BAHD1: variants seen among roughly 807,000 people sequenced by gnomAD.
BAHD1 encodes bromo adjacent homology domain containing 1.
In BAHD1, 20 loss-of-function variants were observed where a neutral mutation model predicts 63.1. The observed-to-expected ratio is 0.32, with a 90% CI of 0.22 to 0.46. The LOEUF is 0.46. BAHD1 is among the 20% of genes least tolerant of loss of function. The pLI, the probability that BAHD1 is intolerant of heterozygous loss-of-function variation, is 1.00. For missense variants in BAHD1, 939 were observed against 1,071.8 expected (o/e 0.88, Z 1.73); for synonymous variants, 408 against 426.8 (o/e 0.96, Z 0.54).
At chr15:40,461,365 C>T (rs1401225405) in intron 2 of BAHD1, among the ~76,000 whole-genome samples, 4 of 152,094 alleles carry the variant, frequency 2.6e-5, no homozygotes, top group African/African-American at 9.7e-5. Context: ...GGGCCAGGCG[C>T]GGTGGCTCAT....
rs1233031761 is a variant in BAHD1, at chr15:40,459,726, C to T, written c.1262C>T (p.Ser421Leu). The change falls in exon 2 of 7, where the codon TCA becomes TTA. Residue 421 changes from serine (S) to leucine (L), a missense_variant. Coordinates refer to ENST00000416165, the MANE Select transcript of BAHD1 (RefSeq NM_014952.5). ...GAGGGGCTCCTCTTAGCTCCGAGCT[C>T]AGTGCCCTCAGGCACCCCTTTCCAG... ...HEEGLLLAPS[S>L]VPSGTPFQHP... The T allele has an allele frequency of 5.0e-6, 8 of 1,614,026 alleles. No homozygotes were observed. The South Asian group carries it at 8.8e-5, about 18-fold the overall frequency.
chr15:40,451,414 C>A (rs1385689360), intron 1 of BAHD1, among the ~76,000 whole-genome samples: 1 of 152,240 alleles, frequency 6.6e-6, no homozygotes, highest in Non-Finnish European at 1.5e-5. Flanking sequence ...GTTCTGTCTT[C>A]CTGCTAGCCC....
chr15:40,439,494 C>A (rs1893345002), upstream of BAHD1, among the ~76,000 whole-genome samples: 2 of 152,194 alleles, frequency 1.3e-5, no homozygotes, highest in Non-Finnish European at 2.9e-5. Context: ...CTCCGAAGCC[C>A]CTGGGCCACA....
chr15:40,463,802 C>A (rs1894120960), intron 3 of BAHD1, 59 bp from the exon 4 acceptor site: 1 of 1,584,984 alleles, frequency 6.3e-7, no homozygotes, highest in Non-Finnish European at 8.6e-7. Flanking sequence ...TTCCCTCTCT[C>A]TGTCCTTACT....
chr15:40,458,593 G>A lies in BAHD1; in HGVS notation c.129G>A (p.Glu43=), dbSNP rs1247230123. 14 of 1,613,940 alleles carry A rather than the reference G, an allele frequency of 8.7e-6. No homozygotes were observed. The highest frequency in any genetic ancestry group is 4.0e-5 in the African/African-American group (3 of 74,918). Reference sequence around the variant, plus strand: ...AGGGTGTGGAGCCAGGCATGCCCGAGAGCCCAGGTCACCTCACAGGGCGCC... The same window carrying A: ...AGGGTGTGGAGCCAGGCATGCCCGAAAGCCCAGGTCACCTCACAGGGCGCC... ...GVEGVEPGMP[E]SPGHLTGRRK... Residue 43 remains glutamate (E), a synonymous_variant, in exon 2 of 7, where the codon GAG becomes GAA. Coordinates refer to ENST00000416165, the MANE Select transcript of BAHD1 (RefSeq NM_014952.5). This position sits in a 1 kb window ranked among gnomAD's most constrained non-coding sequence, Gnocchi z 4.7.
chr15:40,465,738 G>C (rs1894180810), intron 6 of BAHD1, among the ~76,000 whole-genome samples: 1 of 152,188 alleles, frequency 6.6e-6, no homozygotes, highest in South Asian at 2.1e-4. Flanking sequence ...AGAGGCCCTG[G>C]CAAGTGTGGT....
Position 40,458,469 on chromosome 15 carries a change from C to G in BAHD1, c.5C>G (p.Thr2Arg). Reference sequence around the variant, plus strand: ...CCTGCAGGTTGGAAGTACTCCATGACACACACTCGGAGAAAGTCCCTTCCC... The same window carrying G: ...CCTGCAGGTTGGAAGTACTCCATGAGACACACTCGGAGAAAGTCCCTTCCC... M[T>R]HTRRKSLPML... The change falls in exon 2 of 7, where the codon ACA becomes AGA. Residue 2 changes from threonine (T) to arginine (R), a missense_variant. Thr to Arg is a moderately conservative substitution (Grantham distance 71, BLOSUM62 -1). Around this residue, in one of 5 missense-constraint regions of BAHD1, gnomAD observed 797 missense variants for 813.3 expected, o/e 0.98. Transcript: ENST00000416165. The surrounding 1 kb of genome is among the most constrained non-coding windows in gnomAD (Gnocchi z 4.7). 6.3e-7 allele frequency: 1 copy of G among 1,579,820 alleles called. No individual in the cohort carries two copies. Among genetic ancestry groups the G allele is most frequent in the African/African-American group, 1.3e-5 (1 of 74,202 alleles).
intron 1 of BAHD1, among the ~76,000 whole-genome samples, chr15:40,447,713 T>C (rs981867545): frequency 6.6e-6 from 1 of 152,116 alleles, no homozygotes; most frequent in African/African-American, 2.4e-5. Flanking sequence ...GCAGTTAATA[T>C]GTCTTTGCAT....
At position 40,458,779 on chromosome 15, in the gene BAHD1, C is replaced by G; in HGVS notation, c.315C>G (p.Ser105=). 1 of 1,613,220 alleles carries G rather than the reference C, an allele frequency of 6.2e-7. No homozygotes were observed. Among genetic ancestry groups the G allele is most frequent in the South Asian group, 1.1e-5 (1 of 91,084 alleles). The stretch of plus-strand genomic sequence containing the variant: ...CCAAGCCCCCCAGCCCGGCCCCATC[C>G]AGTGAAGACCCTGGCCTTGCCCAGC... ...DLPKPPSPAP[S]SEDPGLAQPR... Residue 105 remains serine, a synonymous_variant, in exon 2 of 7, where the codon TCC becomes TCG. Coordinates refer to ENST00000416165, the MANE Select transcript of BAHD1 (RefSeq NM_014952.5). This position sits in a 1 kb window ranked among gnomAD's most constrained non-coding sequence, Gnocchi z 4.7.
At chr15:40,450,138 G>A (rs1217496311) in intron 1 of BAHD1, among the ~76,000 whole-genome samples, 1 of 152,244 alleles carries the variant, frequency 6.6e-6, no homozygotes, top group Non-Finnish European at 1.5e-5. Context: ...TGTCCCCATA[G>A]GGCTGGCATC....
upstream of BAHD1, among the ~76,000 whole-genome samples, chr15:40,438,790 T>A (rs1231880494): frequency 6.6e-6 from 1 of 152,202 alleles, no homozygotes; most frequent in Non-Finnish European, 1.5e-5. Flanking sequence ...TGCCACCAGG[T>A]ACATTCCTCT....
At chr15:40,456,770 C>T (rs957468182) in intron 1 of BAHD1, among the ~76,000 whole-genome samples, 1 of 152,196 alleles carries the variant, frequency 6.6e-6, no homozygotes, top group South Asian at 2.1e-4. Context: ...GTGTGAACAG[C>T]AATAGCAGTG....
At chr15:40,447,233 G>T (rs777418041) in intron 1 of BAHD1, among the ~76,000 whole-genome samples, 3 of 152,256 alleles carry the variant, frequency 2.0e-5, no homozygotes, top group Non-Finnish European at 2.9e-5. Context: ...TTTGTGCCTG[G>T]AGGGGTTTCC....
chr15:40,443,581 G>A (rs550167410), intron 1 of BAHD1, among the ~76,000 whole-genome samples: 16 of 152,250 alleles, frequency 1.1e-4, no homozygotes, highest in African/African-American at 3.9e-4. Flanking sequence ...AGTCGGATCT[G>A]GTGTTAAGGA....
intron 6 of BAHD1, among the ~76,000 whole-genome samples, chr15:40,465,707 C>T (rs1595865555): frequency 6.6e-6 from 1 of 152,124 alleles, no homozygotes; most frequent in African/African-American, 2.4e-5. Context: ...AAAATTTAGG[C>T]GAATTGGCAG....
At position 40,462,046 on chromosome 15, in the gene BAHD1, A is replaced by G. The variant is rs149595914; in HGVS notation, c.1567A>G (p.Thr523Ala). 2.8e-4 allele frequency: 455 copies of G among 1,613,562 alleles called. No homozygotes were observed. Among genetic ancestry groups the G allele is most frequent in the Middle Eastern group, 3.3e-4 (2 of 6,084 alleles). ...PAAEPVPHLQ[T>A]PTSEPQTVAR... is the part of the protein sequence containing the mutation. ...AGCAGAGCCCGTCCCCCATCTTCAG[A>G]CACCCACCTCGGAGCCCCAGACAGT... The change falls in exon 3 of 7, where the codon ACA (threonine) becomes GCA (alanine). Residue 523 changes from threonine to alanine, a missense_variant. By Grantham distance (58) the Thr-to-Ala change is moderately conservative. Around this residue, in one of 5 missense-constraint regions of BAHD1, gnomAD observed 797 missense variants for 813.3 expected, o/e 0.98. Transcript: ENST00000416165.
At chr15:40,438,464 C>T (rs935492009), upstream of BAHD1, among the ~76,000 whole-genome samples, 4 of 152,122 alleles carry the variant, frequency 2.6e-5, no homozygotes, top group Admixed American at 2.0e-4. Context: ...TTAGCCAGCC[C>T]GTGTCCCCGC....
At chr15:40,452,312 A>G (rs1414380212) in intron 1 of BAHD1, among the ~76,000 whole-genome samples, 1 of 152,184 alleles carries the variant, frequency 6.6e-6, no homozygotes, top group Non-Finnish European at 1.5e-5. Flanking sequence ...GCTCCTTGCA[A>G]CTTTGTGCTG....
At chr15:40,438,816 C>G (rs1185045718), upstream of BAHD1, among the ~76,000 whole-genome samples, 4 of 152,240 alleles carry the variant, frequency 2.6e-5, no homozygotes, top group African/African-American at 9.6e-5. Flanking sequence ...CCCTCCCGGC[C>G]TCCATCCCTG....
Sources: allele counts gnomAD v4.1 joint callset (sites outside exome capture counted in the v4.1 genomes callset), GRCh38; gene constraint gnomAD v4.1.1; regional missense constraint gnomAD v4.1.1; non-coding constraint Gnocchi (gnomAD v3.1); transcripts MANE v1.5; gene names NCBI Gene and HGNC (gene_info 2026-07-23, HGNC 2026-07-21).